CPNE4: variants seen among roughly 807,000 people sequenced by gnomAD.
The protein encoded by CPNE4 is copine-4.
CPNE4 carries 25 observed loss-of-function variants against 67.9 expected under a neutral mutation model. That is an observed-to-expected ratio of 0.37 (90% CI 0.27 to 0.51). The LOEUF (loss-of-function observed/expected upper bound fraction) is 0.51, where lower values mean the gene tolerates loss of function less well. CPNE4 is among the 20% of genes least tolerant of loss of function. The pLI, the probability that CPNE4 is intolerant of heterozygous loss-of-function variation, is 0.93. For missense variants in CPNE4, 464 were observed against 690.8 expected (o/e 0.67, Z 3.68); for synonymous variants, 242 against 244.9 (o/e 0.99, Z 0.11).
At chr3:131,760,743 C>G (rs2082864851) in intron 2 of CPNE4, among the ~76,000 whole-genome samples, 1 of 152,164 alleles carries the variant, frequency 6.6e-6, no homozygotes, top group Admixed American at 6.6e-5. Flanking sequence ...ACTTCATTCC[C>G]CAAAACACTT....
chr3:131,777,069 T>C (rs944367115), intron 2 of CPNE4, among the ~76,000 whole-genome samples: 7 of 152,146 alleles, frequency 4.6e-5, no homozygotes, highest in African/African-American at 1.2e-4. Flanking sequence ...GGTACAGCCA[T>C]TGGACTATAA....
At chr3:131,935,446 G>A (rs2071194240) in intron 1 of CPNE4, among the ~76,000 whole-genome samples, 1 of 152,114 alleles carries the variant, frequency 6.6e-6, no homozygotes, top group Non-Finnish European at 1.5e-5. Context: ...GTAGGGTTTT[G>A]TATTAATGAC....
At chr3:131,628,234 C>T (rs1271074605) in intron 7 of CPNE4, among the ~76,000 whole-genome samples, 1 of 152,196 alleles carries the variant, frequency 6.6e-6, no homozygotes, top group African/African-American at 2.4e-5. Context: ...AGTCCATATT[C>T]ACACTGCTGA....
chr3:131,879,943 C>G (rs1374677253), intron 2 of CPNE4, among the ~76,000 whole-genome samples: 3 of 152,040 alleles, frequency 2.0e-5, no homozygotes, highest in African/African-American at 7.2e-5. Flanking sequence ...TCCTGGGCTC[C>G]TCTTCCCAAT....
intron 13 of CPNE4, among the ~76,000 whole-genome samples, chr3:131,552,006 G>T (rs1936202966): frequency 6.8e-6 from 1 of 148,142 alleles, no homozygotes; most frequent in African/African-American, 2.5e-5. Context: ...TATGCCGAAA[G>T]TGGGAAATGA....
chr3:131,772,809 T>C (rs1271911753), intron 2 of CPNE4, among the ~76,000 whole-genome samples: 4 of 152,106 alleles, frequency 2.6e-5, no homozygotes, highest in Non-Finnish European at 5.9e-5. Flanking sequence ...TGAATGTGCC[T>C]GGGGAAAGCC....
At chr3:131,737,187 G>C (rs946370493) in intron 2 of CPNE4, among the ~76,000 whole-genome samples, 1 of 130,814 alleles carries the variant, frequency 7.6e-6, no homozygotes, top group Non-Finnish European at 1.5e-5. Flanking sequence ...GCAGTGGCAC[G>C]ATCTCAGCTC....
intron 2 of CPNE4, among the ~76,000 whole-genome samples, chr3:131,898,839 T>C (rs1026134879): frequency 1.3e-5 from 2 of 152,124 alleles, no homozygotes; most frequent in African/African-American, 4.8e-5. Context: ...TTTTTCTTTT[T>C]TGTTTTTTTA....
At chr3:131,740,714 C>T (rs554040274) in intron 2 of CPNE4, among the ~76,000 whole-genome samples, 17 of 152,304 alleles carry the variant, frequency 1.1e-4, no homozygotes, top group Admixed American at 9.2e-4. Flanking sequence ...CTAGAGTAAT[C>T]GTGTTAAAAC....
At chr3:131,812,052 T>C (rs1030761215) in intron 2 of CPNE4, among the ~76,000 whole-genome samples, 3 of 152,034 alleles carry the variant, frequency 2.0e-5, no homozygotes, top group African/African-American at 7.2e-5. Context: ...TCACTAGAAA[T>C]TTTAGTGTGC....
At chr3:131,773,009 A>T (rs1179032868) in intron 2 of CPNE4, among the ~76,000 whole-genome samples, 1 of 152,176 alleles carries the variant, frequency 6.6e-6, no homozygotes, top group Non-Finnish European at 1.5e-5. Flanking sequence ...CTGAACTAAC[A>T]CTTGGGTAGA....
chr3:131,996,919 G>C (rs1208947945), intron 1 of CPNE4, among the ~76,000 whole-genome samples: 1 of 152,048 alleles, frequency 6.6e-6, no homozygotes, highest in East Asian at 1.9e-4. Flanking sequence ...TCTGCTTTAA[G>C]AATTATGAGG....
At chr3:131,643,368 G>A (rs2079584338) in intron 7 of CPNE4, among the ~76,000 whole-genome samples, 1 of 152,208 alleles carries the variant, frequency 6.6e-6, no homozygotes, top group Non-Finnish European at 1.5e-5. Flanking sequence ...CTTGCATGGG[G>A]CTGGTAGCCC....
At chr3:131,562,802 T>C (rs1459242371) in intron 11 of CPNE4, among the ~76,000 whole-genome samples, 7 of 152,064 alleles carry the variant, frequency 4.6e-5, no homozygotes, top group Admixed American at 2.6e-4. Context: ...GAAATCAGTG[T>C]TGAAATTCAA....
chr3:131,958,472 C>T (rs891847184), intron 1 of CPNE4, among the ~76,000 whole-genome samples: 12 of 152,212 alleles, frequency 7.9e-5, no homozygotes, highest in African/African-American at 2.9e-4. Flanking sequence ...GCTCCCTAGG[C>T]GATTCTGATG....
At chr3:131,712,931 G>C (rs2081594143) in intron 3 of CPNE4, among the ~76,000 whole-genome samples, 1 of 152,182 alleles carries the variant, frequency 6.6e-6, no homozygotes, top group Admixed American at 6.5e-5. Flanking sequence ...AATGAAAGCT[G>C]GTTGGAAACA....
At chr3:131,701,981 A>T (rs1228327935) in intron 3 of CPNE4, among the ~76,000 whole-genome samples, 1 of 152,156 alleles carries the variant, frequency 6.6e-6, no homozygotes, top group African/African-American at 2.4e-5. Context: ...AAAGGCCAGG[A>T]GGTAAACTCA....
At chr3:131,684,690 A>C (rs887491618) in intron 6 of CPNE4, among the ~76,000 whole-genome samples, 1 of 152,004 alleles carries the variant, frequency 6.6e-6, no homozygotes, top group African/African-American at 2.4e-5. Flanking sequence ...TTTTATTTTC[A>C]CTCTGCAAAT....
intron 2 of CPNE4, among the ~76,000 whole-genome samples, chr3:131,792,771 T>C (rs941996606): frequency 7.4e-6 from 1 of 134,516 alleles, no homozygotes; most frequent in Non-Finnish European, 1.6e-5. Context: ...ACTATATATG[T>C]ATATGTGTGT....
Sources: allele counts gnomAD v4.1 joint callset (sites outside exome capture counted in the v4.1 genomes callset), GRCh38; gene constraint gnomAD v4.1.1; transcripts MANE v1.5; gene names NCBI Gene and HGNC (gene_info 2026-07-23, HGNC 2026-07-21).